Variants in CNOT4 observed in about 807,000 individuals in gnomAD.
The protein encoded by CNOT4 is CCR4-NOT transcription complex subunit 4.
In CNOT4, 8 loss-of-function variants were observed where a neutral mutation model predicts 73.8. The observed-to-expected ratio is 0.11, with a 90% confidence interval of 0.06 to 0.20. The LOEUF is 0.20. CNOT4 is among the 10% of genes least tolerant of loss of function. The probability of loss-of-function intolerance (pLI) is 1.00; values close to 1 mark genes in which losing one functional copy is unlikely to be tolerated. For synonymous variants in CNOT4, 293 were observed against 321.1 expected (o/e 0.91, Z 0.94); for missense variants, 564 against 883.4 (o/e 0.64, Z 4.58).
rs376566699 is a variant in CNOT4, at chr7:135,444,442, T to A, written c.-92-6019A>T. ...AATATTAGAATATATTCAGTCATCC[T>A]CAGGAACGAGATGGCGGTTCTCTGG... On this transcript the variant is annotated intron_variant, in intron 1 of 11. Transcript: ENST00000541284. 19 of 769,304 alleles carry A rather than the reference T, an allele frequency of 2.5e-5. 1 individual carries two copies. In the African/African-American group the frequency reaches 3.2e-4, roughly 13 times the overall value. The allele number at this position is 769,304 out of a possible 1,614,324, so 47.7% of individuals were successfully genotyped here.
Position 135,363,337 on chromosome 7 carries a change from T to C in CNOT4, c.1841-151A>G. ...CAAATAAGACCTTTTAAACCAATCC[T>C]CCCCCAACAACAAAGAACTTATTGG... On this transcript the variant is annotated intron_variant, in intron 11 of 11. Coordinates refer to ENST00000541284, the MANE Select transcript of CNOT4 (RefSeq NM_001190850.2). This position sits in a 1 kb window ranked among gnomAD's most constrained non-coding sequence, Gnocchi z 4.3. The C allele has an allele frequency of 1.4e-6, 1 of 696,200 alleles. No individual in the cohort carries two copies. The allele number at this position is 696,200 out of a possible 1,614,324, so 43.1% of individuals were successfully genotyped here.
chr7:135,374,939 C>T (rs1003821172), intron 10 of CNOT4, among the ~76,000 whole-genome samples: 1 of 152,038 alleles, frequency 6.6e-6, no homozygotes, highest in Admixed American at 6.5e-5. Context: ...GGTAATGGAA[C>T]GCCTAAAAAA....
chr7:135,455,323 T>C (rs1008075608), intron 1 of CNOT4, among the ~76,000 whole-genome samples: 6 of 151,588 alleles, frequency 4.0e-5, no homozygotes, highest in Non-Finnish European at 8.8e-5. Flanking sequence ...TAAATTCATA[T>C]AGCAATGCCA....
chr7:135,477,528 T>G (rs370437490), intron 1 of CNOT4, among the ~76,000 whole-genome samples: 16 of 151,894 alleles, frequency 1.1e-4, no homozygotes, highest in African/African-American at 3.6e-4. Flanking sequence ...GAATATATCT[T>G]GTAGTACCCT....
chr7:135,424,036 AC>A (rs1798341214), intron 2 of CNOT4, among the ~76,000 whole-genome samples: 1 of 135,140 alleles, frequency 7.4e-6, no homozygotes, highest in Non-Finnish European at 1.6e-5. Context: ...AAACAAACAA[AC>A]AAAACACACA....
At chr7:135,508,273 C>T (rs2129488471) in intron 1 of CNOT4, among the ~76,000 whole-genome samples, 1 of 152,294 alleles carries the variant, frequency 6.6e-6, no homozygotes, top group Middle Eastern at 3.4e-3. Context: ...CTGATTATAG[C>T]CAGGGCTGCT....
chr7:135,463,056 C>T (rs1046788004), intron 1 of CNOT4, among the ~76,000 whole-genome samples: 1 of 152,178 alleles, frequency 6.6e-6, no homozygotes, highest in Non-Finnish European at 1.5e-5. Context: ...AGCCTTATTT[C>T]TGGGCCCTCT....
chr7:135,490,286 G>C (rs1325676151), intron 1 of CNOT4, among the ~76,000 whole-genome samples: 1 of 152,116 alleles, frequency 6.6e-6, no homozygotes, highest in Admixed American at 6.6e-5. Context: ...GAAGGGTTTC[G>C]AGTAGAAAAT....
chr7:135,451,666 A>G (rs1369793211), intron 1 of CNOT4, among the ~76,000 whole-genome samples: 6 of 152,202 alleles, frequency 3.9e-5, no homozygotes, highest in Non-Finnish European at 5.9e-5. Context: ...CCTTAGGGGG[A>G]AAAATGACAT....
In CNOT4 at chr7:135,388,693, TG is replaced by T. The variant is rs1796246088; in HGVS notation, c.1627+5224del. 1.3e-5 allele frequency: 19 copies of T among 1,452,826 alleles called. No individual in the cohort carries two copies. In the South Asian group the frequency reaches 2.8e-4, roughly 21 times the overall value. 90.0% of individuals were successfully genotyped at this position (1,452,826 alleles called of 1,614,324 possible). On this transcript the variant is annotated intron_variant, in intron 10 of 11. Transcript: ENST00000541284. Reference sequence around the variant, plus strand: ...TGAGGAACGTTTATATTGGCTCTTCTGGGTGTATACATTAAAAGCAAAATCA... The same window carrying T: ...TGAGGAACGTTTATATTGGCTCTTCTGGTGTATACATTAAAAGCAAAATCA...
intron 7 of CNOT4, among the ~76,000 whole-genome samples, chr7:135,408,981 T>C (rs1294185275): frequency 1.3e-5 from 2 of 152,186 alleles, no homozygotes; most frequent in African/African-American, 2.4e-5. Flanking sequence ...TAAAAACATA[T>C]AGTTTTATAT....
chr7:135,390,965 G>C (rs924629872), intron 10 of CNOT4, among the ~76,000 whole-genome samples: 5 of 152,104 alleles, frequency 3.3e-5, no homozygotes, highest in Non-Finnish European at 7.4e-5. Flanking sequence ...GAAGCATTTA[G>C]TGACAGCTGC....
Position 135,446,561 on chromosome 7 carries a change from T to C in CNOT4, c.-92-8138A>G, listed in dbSNP as rs1269722244. On this transcript the variant is annotated intron_variant, in intron 1 of 11. Transcript: ENST00000541284. ...ACCCTTTAATTTTTTGCCAATCTAA[T>C]AGATGAATTTTTAATAACTTAAATA... 3.3e-5 allele frequency among the ~76,000 whole-genome samples: 5 copies of C among 152,278 alleles called. No homozygotes were observed. In the East Asian group the frequency reaches 9.6e-4, roughly 29 times the overall value.
intron 7 of CNOT4, among the ~76,000 whole-genome samples, chr7:135,402,112 CTTTT>C (rs71531849): frequency 7.0e-6 from 1 of 142,290 alleles, no homozygotes; most frequent in Non-Finnish European, 1.5e-5. Context: ...AAGACTATAT[CTTTT>C]TTTTTTTTTT....
chr7:135,427,616 T>C (rs1798579441), intron 2 of CNOT4, among the ~76,000 whole-genome samples: 1 of 152,382 alleles, frequency 6.6e-6, no homozygotes, highest in Non-Finnish European at 1.5e-5. Context: ...GACCATAATT[T>C]ATGTATTACA....
intron 9 of CNOT4, among the ~76,000 whole-genome samples, chr7:135,394,634 G>A (rs1203428805): frequency 6.6e-6 from 1 of 152,080 alleles, no homozygotes; most frequent in Non-Finnish European, 1.5e-5. Context: ...AAAACTGAAT[G>A]ATATAGACTG....
intron 1 of CNOT4, among the ~76,000 whole-genome samples, chr7:135,481,638 C>T (rs1802386475): frequency 6.6e-6 from 1 of 152,202 alleles, no homozygotes; most frequent in African/African-American, 2.4e-5. Flanking sequence ...GGGATACCTG[C>T]ACTCATGTGT....
intron 1 of CNOT4, among the ~76,000 whole-genome samples, chr7:135,492,490 G>A (rs557321211): frequency 9.8e-5 from 15 of 152,322 alleles, no homozygotes; most frequent in African/African-American, 3.6e-4. Flanking sequence ...CAGTGAAAAG[G>A]CAATAGAATC....
At chr7:135,493,653 G>A (rs900230118) in intron 1 of CNOT4, among the ~76,000 whole-genome samples, 1 of 152,134 alleles carries the variant, frequency 6.6e-6, no homozygotes, top group Non-Finnish European at 1.5e-5. Context: ...CATAGAAAGG[G>A]AAAAGGGATA....
Sources: allele counts gnomAD v4.1 joint callset (sites outside exome capture counted in the v4.1 genomes callset), GRCh38; gene constraint gnomAD v4.1.1; non-coding constraint Gnocchi (gnomAD v3.1); transcripts MANE v1.5; gene names NCBI Gene and HGNC (gene_info 2026-07-23, HGNC 2026-07-21).